GABRB1: variants seen among roughly 807,000 people sequenced by gnomAD.
The protein encoded by GABRB1 is gamma-aminobutyric acid receptor subunit beta-1.
GABRB1 carries 17 observed loss-of-function variants against 51.6 expected under a neutral mutation model. The ratio of observed to expected loss-of-function variants is 0.33; its 90% CI spans 0.23 to 0.49. GABRB1 has a LOEUF of 0.49. Ranked by LOEUF, GABRB1 falls within the 20% of genes least tolerant of loss-of-function variation. GABRB1 has a pLI of 0.99. For synonymous variants in GABRB1, 247 were observed against 218.9 expected, an observed-to-expected ratio of 1.13 and a Z score of -1.14; for missense variants, 410 against 600.6, an observed-to-expected ratio of 0.68 and a Z score of 3.32.
intron 4 of GABRB1, among the ~76,000 whole-genome samples, chr4:47,283,966 C>A (rs563483892): frequency 6.6e-6 from 1 of 152,084 alleles, no homozygotes; most frequent in Non-Finnish European, 1.5e-5. Flanking sequence ...GACGCGGTGG[C>A]AGGTGTCTGT....
chr4:47,034,235 T>C (rs1177087877), intron 3 of GABRB1, among the ~76,000 whole-genome samples: 1 of 152,204 alleles, frequency 6.6e-6, no homozygotes, highest in Non-Finnish European at 1.5e-5. Flanking sequence ...TATATAATTC[T>C]GTTGGCTATA....
In GABRB1 at chr4:47,123,579, ATATAT is replaced by A. The variant is rs1352164115; in HGVS notation, c.241-37665_241-37661del. ...ATATTATAATATATTACATTATTTC[ATATAT>A]TATAATATATTACATTATTTCATAT... On this transcript the variant is annotated intron_variant, in intron 3 of 8. Coordinates refer to ENST00000295454, the MANE Select transcript of GABRB1 (RefSeq NM_000812.4). Among the ~76,000 whole-genome samples the A allele has an allele frequency of 8.2e-3, 50 of 6,118 alleles. 2 individuals carry two copies. The highest frequency in any genetic ancestry group is 0.012 in the Non-Finnish European group (38 of 3,272). The allele number at this position is 6,118 out of a possible 152,430, so 4.0% of individuals were successfully genotyped here.
chr4:47,206,357 C>T (rs1720122239), intron 4 of GABRB1, among the ~76,000 whole-genome samples: 1 of 151,992 alleles, frequency 6.6e-6, no homozygotes, highest in Non-Finnish European at 1.5e-5. Context: ...TACATGGAAG[C>T]TGGATGGCAT....
intron 4 of GABRB1, among the ~76,000 whole-genome samples, chr4:47,237,385 T>C (rs1721366775): frequency 6.6e-6 from 1 of 151,998 alleles, no homozygotes; most frequent in Non-Finnish European, 1.5e-5. Context: ...GAAATAACCC[T>C]TCACTGAAGG....
intron 1 of GABRB1, among the ~76,000 whole-genome samples, chr4:47,018,669 T>A (rs1000855033): frequency 2.0e-5 from 3 of 152,166 alleles, no homozygotes; most frequent in Admixed American, 2.0e-4. Flanking sequence ...GGGTACTGCA[T>A]TCTTACACTA....
chr4:47,007,450 C>T (rs1469298055), intron 1 of GABRB1, among the ~76,000 whole-genome samples: 2 of 152,112 alleles, frequency 1.3e-5, no homozygotes, highest in African/African-American at 4.8e-5. Context: ...ACTAAAGGAA[C>T]AAACAGGTGA....
intron 3 of GABRB1, among the ~76,000 whole-genome samples, chr4:47,080,696 A>G (rs767059974): frequency 5.3e-5 from 8 of 152,200 alleles, no homozygotes; most frequent in Non-Finnish European, 1.2e-4. Context: ...CTGGCACTAC[A>G]GCCATGCCCA....
chr4:47,051,885 T>C (rs1726363619), intron 3 of GABRB1, among the ~76,000 whole-genome samples: 1 of 152,100 alleles, frequency 6.6e-6, no homozygotes, highest in African/African-American at 2.4e-5. Context: ...TCCCAGCACT[T>C]TGGGAGGCCG....
upstream of GABRB1, among the ~76,000 whole-genome samples, chr4:47,029,844 T>G (rs1240305141): frequency 6.6e-6 from 1 of 152,134 alleles, no homozygotes. Context: ...TGCTCTCTAT[T>G]TGCTCGTACT....
intron 3 of GABRB1, among the ~76,000 whole-genome samples, chr4:47,122,375 T>C (rs1715816283): frequency 6.6e-6 from 1 of 152,186 alleles, no homozygotes; most frequent in Admixed American, 6.5e-5. Context: ...TTCCCATGAT[T>C]ATCAGTTAAG....
chr4:47,080,740 C>T (rs913511052), intron 3 of GABRB1, among the ~76,000 whole-genome samples: 7 of 152,048 alleles, frequency 4.6e-5, no homozygotes, highest in Non-Finnish European at 8.8e-5. Flanking sequence ...TTAATAAGGT[C>T]GTCAATAGAC....
intron 8 of GABRB1, among the ~76,000 whole-genome samples, chr4:47,420,939 CACAA>C (rs1267043718): frequency 8.9e-6 from 1 of 111,762 alleles, no homozygotes; most frequent in Admixed American, 1.1e-4. Context: ...TACATACACA[CACAA>C]ACACACACAC....
chr4:47,306,981 T>C (rs1375298412), intron 4 of GABRB1, among the ~76,000 whole-genome samples: 1 of 152,120 alleles, frequency 6.6e-6, no homozygotes, highest in Non-Finnish European at 1.5e-5. Context: ...ACTAGAAGTA[T>C]AGTGGCTGAG....
chr4:47,340,810 A>T (rs1408390220), intron 5 of GABRB1, among the ~76,000 whole-genome samples: 1 of 152,154 alleles, frequency 6.6e-6, no homozygotes, highest in African/African-American at 2.4e-5. Flanking sequence ...TCTGAAAAAA[A>T]ATTTTCACCA....
At chr4:47,404,617 A>G (rs949378030) in intron 7 of GABRB1, among the ~76,000 whole-genome samples, 1 of 152,184 alleles carries the variant, frequency 6.6e-6, no homozygotes, top group Non-Finnish European at 1.5e-5. Context: ...GTTCACAGCT[A>G]TACTAATTGT....
At chr4:47,097,437 T>C (rs1484305035) in intron 3 of GABRB1, among the ~76,000 whole-genome samples, 1 of 152,170 alleles carries the variant, frequency 6.6e-6, no homozygotes, top group Non-Finnish European at 1.5e-5. Flanking sequence ...CTTCCGTGAC[T>C]GCAAATGAAT....
chr4:46,996,142 G>A (rs1406173425), intron 1 of GABRB1, among the ~76,000 whole-genome samples: 1 of 148,658 alleles, frequency 6.7e-6, no homozygotes, highest in Non-Finnish European at 1.5e-5. Context: ...ATATAAATAT[G>A]CTATTGTTTC....
At chr4:47,053,730 C>A (rs1234729917) in intron 3 of GABRB1, among the ~76,000 whole-genome samples, 2 of 152,250 alleles carry the variant, frequency 1.3e-5, no homozygotes, top group East Asian at 1.9e-4. Flanking sequence ...AGTGACCGAG[C>A]TGAGAGATTT....
intron 4 of GABRB1, among the ~76,000 whole-genome samples, chr4:47,260,851 A>G (rs1448934108): frequency 1.3e-5 from 2 of 152,168 alleles, no homozygotes. Flanking sequence ...CTTATCCACC[A>G]TGATCAAGTG....
Sources: allele counts gnomAD v4.1 joint callset (sites outside exome capture counted in the v4.1 genomes callset), GRCh38; gene constraint gnomAD v4.1.1; transcripts MANE v1.5; gene names NCBI Gene and HGNC (gene_info 2026-07-23, HGNC 2026-07-21).